Variants in UPP2 observed in about 807,000 individuals in gnomAD.
UPP2 encodes the protein uridine phosphorylase 2, also known as UPase 2.
UPP2 carries 23 observed loss-of-function variants against 26.7 expected under a neutral mutation model. The observed-to-expected ratio is 0.86, with a 90% CI of 0.62 to 1.22. The LOEUF is 1.22. Ranked by LOEUF, UPP2 falls within the 50% of genes most tolerant of loss-of-function variation. The pLI, the probability that UPP2 is intolerant of heterozygous loss-of-function variation, is 0.00. For missense variants in UPP2, 387 were observed against 396.7 expected, an observed-to-expected ratio of 0.98 and a Z score of 0.21; for synonymous variants, 127 against 141.3, an observed-to-expected ratio of 0.90 and a Z score of 0.72.
intron 4 of UPP2, among the ~76,000 whole-genome samples, chr2:158,120,500 G>A (rs1418833461): frequency 6.6e-6 from 1 of 152,030 alleles, no homozygotes; most frequent in African/African-American, 2.4e-5. Flanking sequence ...AGAGAGCAGT[G>A]AACAGACATA....
intron 3 of UPP2, 54 bp downstream of exon 3, chr2:158,115,313 G>C: frequency 6.7e-7 from 1 of 1,498,110 alleles, no homozygotes; most frequent in East Asian, 2.4e-5. Flanking sequence ...AGAAAAAAGT[G>C]GGAACTTTTA....
At chr2:158,123,931 C>A in intron 6 of UPP2, 36 bp downstream of exon 6, 1 of 1,599,762 alleles carries the variant, frequency 6.3e-7, no homozygotes, top group Non-Finnish European at 8.5e-7. Flanking sequence ...TCAAATTCTC[C>A]TCTTTCATGA....
chr2:158,126,047 A>T (rs1683686966), intron 6 of UPP2, among the ~76,000 whole-genome samples: 1 of 152,202 alleles, frequency 6.6e-6, no homozygotes. Context: ...TTCTTTCTTA[A>T]GAGGCACCAA....
chr2:158,122,900 A>G (rs1302360476), intron 5 of UPP2, among the ~76,000 whole-genome samples: 2 of 152,126 alleles, frequency 1.3e-5, no homozygotes, highest in East Asian at 3.9e-4. Flanking sequence ...TAATGAGAAG[A>G]GAAGGAACAA....
chr2:158,088,695 C>T (rs1028889425), intron 3 of UPP2, among the ~76,000 whole-genome samples: 2 of 152,174 alleles, frequency 1.3e-5, no homozygotes, highest in Non-Finnish European at 2.9e-5. Context: ...GTTGCTCTCC[C>T]CCTTCCTCTA....
intron 3 of UPP2, among the ~76,000 whole-genome samples, chr2:158,056,861 G>C (rs1312581162): frequency 6.6e-6 from 1 of 152,210 alleles, no homozygotes; most frequent in Admixed American, 6.5e-5. Flanking sequence ...TTTTCTGAGA[G>C]GAGATGCAAT....
chr2:158,094,984 A>C (rs150769589), intron 3 of UPP2, among the ~76,000 whole-genome samples: 181 of 152,274 alleles, frequency 1.2e-3, no homozygotes, highest in African/African-American at 4.2e-3. Flanking sequence ...GCTTGAAGTC[A>C]CCAGAATGGC....
intron 3 of UPP2, among the ~76,000 whole-genome samples, chr2:158,091,323 T>C (rs1006711881): frequency 6.6e-6 from 1 of 152,178 alleles, no homozygotes; most frequent in African/African-American, 2.4e-5. Context: ...TCAGCTGTAA[T>C]GGGAAGATTA....
At chr2:157,998,797 C>T (rs764760091) in intron 2 of UPP2, among the ~76,000 whole-genome samples, 2 of 151,946 alleles carry the variant, frequency 1.3e-5, no homozygotes, top group African/African-American at 4.8e-5. Flanking sequence ...AAGACTCTGT[C>T]GCAAAAATAA....
Position 158,003,007 on chromosome 2 carries a change from T to C in UPP2, c.61+7748T>C, listed in dbSNP as rs192291349. 7.9e-5 allele frequency among the ~76,000 whole-genome samples: 12 copies of C among 152,226 alleles called. No individual in the cohort carries two copies. The East Asian group carries it at 1.9e-3, about 25-fold the overall frequency. Reference sequence around the variant, plus strand: ...CTTTAGGTCTAACTGCTGGTCCAGGTTAAGAATGGGCTACCAAAGATGCTA... The same window carrying C: ...CTTTAGGTCTAACTGCTGGTCCAGGCTAAGAATGGGCTACCAAAGATGCTA... On this transcript the variant is annotated intron_variant, in intron 2 of 9. Coordinates refer to the UPP2 transcript ENST00000605860.
intron 3 of UPP2, among the ~76,000 whole-genome samples, chr2:158,052,955 C>T (rs1211000986): frequency 6.6e-6 from 1 of 152,150 alleles, no homozygotes; most frequent in Non-Finnish European, 1.5e-5. Context: ...TCAGATTTGG[C>T]CTGAGGGCTG....
chr2:158,116,855 G>C (rs1038259447), intron 3 of UPP2, among the ~76,000 whole-genome samples: 8 of 149,224 alleles, frequency 5.4e-5, no homozygotes, highest in Non-Finnish European at 1.2e-4. Context: ...GCTCCAGGAT[G>C]CTTACTAAAC....
chr2:158,074,612 T>C (rs1329905994), intron 3 of UPP2, among the ~76,000 whole-genome samples: 1 of 146,742 alleles, frequency 6.8e-6, no homozygotes, highest in Admixed American at 6.9e-5. Context: ...AAGCAAGTAA[T>C]TAAATCATAC....
chr2:158,076,107 C>T (rs896037479), intron 3 of UPP2, among the ~76,000 whole-genome samples: 6 of 151,856 alleles, frequency 4.0e-5, no homozygotes, highest in Non-Finnish European at 8.8e-5. Flanking sequence ...CATATACCAC[C>T]TAACAAGATT....
rs150391267 is a variant in UPP2 at position 158,122,588 on chromosome 2, T to A, written c.664+970T>A. Among the ~76,000 whole-genome samples, 194 of 152,266 alleles carry A rather than the reference T, an allele frequency of 1.3e-3. 3 individuals carry two copies. The Middle Eastern group carries it at 0.02, about 16-fold the overall frequency. On this transcript the variant is annotated intron_variant, in intron 5 of 6. Transcript: ENST00000005756. ...GCAAATGGAAGCTTGTTAAAGTCAA[T>A]GTTTCCTTTGGCCTGCACAGTATTT...
chr2:158,069,666 C>T (rs564561877), intron 3 of UPP2, among the ~76,000 whole-genome samples: 15 of 152,270 alleles, frequency 9.9e-5, no homozygotes, highest in African/African-American at 1.2e-4. Context: ...CACCCTAGAG[C>T]GAGGATTTTC....
chr2:158,064,908 G>A (rs992491974), intron 3 of UPP2, among the ~76,000 whole-genome samples: 5 of 152,144 alleles, frequency 3.3e-5, no homozygotes, highest in African/African-American at 1.2e-4. Flanking sequence ...GATGTGCAAT[G>A]CTATTTCTGA....
intron 3 of UPP2, among the ~76,000 whole-genome samples, chr2:158,088,760 T>C (rs1682858897): frequency 6.6e-6 from 1 of 152,222 alleles, no homozygotes; most frequent in African/African-American, 2.4e-5. Flanking sequence ...CTTCGGGATC[T>C]AGCCACCCAT....
chr2:158,052,116 A>G (rs1682169266), intron 3 of UPP2, among the ~76,000 whole-genome samples: 1 of 152,228 alleles, frequency 6.6e-6, no homozygotes, highest in African/African-American at 2.4e-5. Flanking sequence ...TATGTGGGAC[A>G]TACTTAGACT....
Sources: allele counts gnomAD v4.1 joint callset (sites outside exome capture counted in the v4.1 genomes callset), GRCh38; gene constraint gnomAD v4.1.1; transcripts MANE v1.5; gene names NCBI Gene and HGNC (gene_info 2026-07-23, HGNC 2026-07-21).